The following SLC26A5 variants were observed in gnomAD, a reference collection of about 807,000 sequenced individuals.
The protein encoded by SLC26A5 is solute carrier family 26 member 5.
Under a neutral mutation model 81.0 loss-of-function variants are expected in SLC26A5, and 51 were observed. The ratio of observed to expected loss-of-function variants is 0.63; its 90% CI spans 0.50 to 0.80. SLC26A5 has a LOEUF of 0.80. Among genes scored for constraint, SLC26A5 ranks in the 30% least tolerant of loss-of-function variants. The probability of loss-of-function intolerance (pLI) is 0.00; values close to 1 mark genes in which losing one functional copy is unlikely to be tolerated. For missense variants in SLC26A5, 771 were observed against 905.8 expected (o/e 0.85, Z 1.91); for synonymous variants, 325 against 332.8 (o/e 0.98, Z 0.25).
chr7:103,362,283 A>C, intron 19 of SLC26A5: 2 of 1,397,974 alleles, frequency 1.4e-6, no homozygotes, highest in Non-Finnish European at 1.8e-6. Flanking sequence ...TGACTCCCCT[A>C]CTCCCACTGT....
chr7:103,394,376 T>TG (rs748103731), intron 9 of SLC26A5, among the ~76,000 whole-genome samples: 12 of 152,168 alleles, frequency 7.9e-5, no homozygotes, highest in Non-Finnish European at 1.3e-4. Flanking sequence ...GAGTCAAACC[T>TG]GGGGGGTCTG....
At chr7:103,375,761 C>A (rs1039817397) in intron 19 of SLC26A5, among the ~76,000 whole-genome samples, 32 of 141,766 alleles carry the variant, frequency 2.3e-4, no homozygotes, top group African/African-American at 8.6e-4. Flanking sequence ...TTTTTTTTTT[C>A]CTTTTCTTTT....
intron 19 of SLC26A5, among the ~76,000 whole-genome samples, chr7:103,356,345 T>C (rs1820032314): frequency 6.6e-6 from 1 of 152,224 alleles, no homozygotes; most frequent in Non-Finnish European, 1.5e-5. Flanking sequence ...TCTCAGTGTA[T>C]GTGCATACAT....
chr7:103,424,339 C>T (rs1005241646), intron 2 of SLC26A5, among the ~76,000 whole-genome samples: 7 of 152,116 alleles, frequency 4.6e-5, no homozygotes, highest in Admixed American at 4.6e-4. Flanking sequence ...CATTGATCTC[C>T]TCTTCTAGAC....
chr7:103,393,713 C>T (rs1351135497), intron 9 of SLC26A5, among the ~76,000 whole-genome samples: 2 of 151,960 alleles, frequency 1.3e-5, no homozygotes, highest in Non-Finnish European at 2.9e-5. Context: ...CTCCTGGAAT[C>T]CCACAATGGA....
intron 9 of SLC26A5, among the ~76,000 whole-genome samples, chr7:103,394,330 G>T (rs1822914307): frequency 6.6e-6 from 1 of 152,182 alleles, no homozygotes; most frequent in African/African-American, 2.4e-5. Flanking sequence ...AATGGATTTT[G>T]ACAGATGTTA....
At chr7:103,391,529 G>A in intron 11 of SLC26A5, 93 bp downstream of exon 11, 1 of 1,004,490 alleles carries the variant, frequency 1.0e-6, no homozygotes, top group Admixed American at 2.0e-5. Flanking sequence ...CTGCAGGCCA[G>A]AGTAGCTTTG....
At chr7:103,365,858 G>T (rs930082221) in intron 19 of SLC26A5, among the ~76,000 whole-genome samples, 3 of 152,120 alleles carry the variant, frequency 2.0e-5, no homozygotes, top group Non-Finnish European at 4.4e-5. Flanking sequence ...AACCCAGGCG[G>T]CAGAGGTTGC....
rs1036045541 is a variant in SLC26A5, at chr7:103,393,120, A to C, written c.972-54T>G. The C allele has an allele frequency of 2.5e-6, 4 of 1,608,370 alleles. No individual in the cohort carries two copies. In the African/African-American group the frequency reaches 5.4e-5, roughly 22 times the overall value. On this transcript the variant is annotated intron_variant, in intron 9 of 19. Transcript: ENST00000306312. The stretch of plus-strand genomic sequence containing the variant: ...GTTGTGACCACAAGGGAAAAGAAAA[A>C]AAACCTTGCGACTGCAGGGAAGCAT...
At chr7:103,400,785 G>C (rs1483646561) in intron 8 of SLC26A5, among the ~76,000 whole-genome samples, 3 of 152,162 alleles carry the variant, frequency 2.0e-5, no homozygotes, top group Non-Finnish European at 4.4e-5. Context: ...CATATGGCTA[G>C]CCAGTTTTCC....
chr7:103,392,896 T>C (rs769819507), intron 10 of SLC26A5, 23 bp downstream of exon 10: 2 of 1,613,844 alleles, frequency 1.2e-6, no homozygotes, highest in Non-Finnish European at 1.7e-6. Flanking sequence ...ATGAAACATG[T>C]GCAGGAAACT....
In SLC26A5 at chr7:103,411,754, G is replaced by A. The variant is rs571646441; in HGVS notation, c.404-168C>T. On this transcript the variant is annotated intron_variant, in intron 5 of 19. Transcript: ENST00000306312. ...GGTGTATGAGCAACCGTGTGTGTGC[G>A]TGTGTGCGCATGCAGACTGTATTTT... Among the ~76,000 whole-genome samples the A allele has an allele frequency of 5.3e-4, 81 of 152,320 alleles. 1 individual carries two copies. The South Asian group carries it at 0.012, about 23-fold the overall frequency.
rs369412458 is a variant in SLC26A5 at position 103,352,918 on chromosome 7, G to A, written c.2050C>T (p.Gln684Ter). ...CGGTCTCCATCTTCTGGTCATCTCTGTATGAAAGCTGAAACAAGAGGGTAG... is the reference window on the plus strand; with the variant it reads ...CGGTCTCCATCTTCTGGTCATCTCTATATGAAAGCTGAAACAAGAGGGTAG... The change falls in exon 20 of 20, where the codon CAG becomes TAG. Residue 684 changes from glutamine to a stop codon, truncating the protein, a stop_gained. Transcript: ENST00000339444. LOFTEE classifies it high-confidence loss of function. The A allele has an allele frequency of 5.1e-6, 4 of 780,712 alleles. No individual in the cohort carries two copies. The African/African-American group carries it at 6.8e-5, about 13-fold the overall frequency. The allele number at this position is 780,712 out of a possible 1,614,324, so 48.4% of individuals were successfully genotyped here.
At chr7:103,362,174 G>T in intron 19 of SLC26A5, 10 of 1,571,466 alleles carry the variant, frequency 6.4e-6, no homozygotes, top group Non-Finnish European at 8.6e-6. Context: ...GTGAATAAAT[G>T]GACTGAGTTC....
intron 19 of SLC26A5, chr7:103,363,577 G>A: frequency 1.4e-6 from 1 of 735,680 alleles, no homozygotes; most frequent in East Asian, 2.7e-5. Flanking sequence ...GAGAGAGGAG[G>A]TGTGGAGAGT....
At chr7:103,373,385 C>T (rs2116315847), downstream of SLC26A5, among the ~76,000 whole-genome samples, 1 of 152,252 alleles carries the variant, frequency 6.6e-6, no homozygotes, top group Non-Finnish European at 1.5e-5. Flanking sequence ...AATGTTTTAA[C>T]TTGAACCTAT....
At chr7:103,437,609 G>A (rs890133863) in intron 2 of SLC26A5, among the ~76,000 whole-genome samples, 16 of 152,156 alleles carry the variant, frequency 1.1e-4, no homozygotes, top group African/African-American at 3.9e-4. Context: ...CCTTAAAAAA[G>A]AAAGAAATCA....
chr7:103,374,924 T>A (rs1821244995), intron 19 of SLC26A5, among the ~76,000 whole-genome samples: 1 of 150,142 alleles, frequency 6.7e-6, no homozygotes. Context: ...TTTCTCTATG[T>A]AAATATAAAT....
At chr7:103,383,242 C>T (rs1309517908) in intron 14 of SLC26A5, among the ~76,000 whole-genome samples, 5 of 152,182 alleles carry the variant, frequency 3.3e-5, no homozygotes, top group Non-Finnish European at 5.9e-5. Flanking sequence ...AATCCAGTGC[C>T]ACAGGGGAGG....
Sources: allele counts gnomAD v4.1 joint callset (sites outside exome capture counted in the v4.1 genomes callset), GRCh38; gene constraint gnomAD v4.1.1; transcripts MANE v1.5; gene names NCBI Gene and HGNC (gene_info 2026-07-23, HGNC 2026-07-21).